The following AREG variants were observed in gnomAD, a reference collection of about 807,000 sequenced individuals.
AREG encodes the protein amphiregulin B.
A neutral mutation model predicts 28.0 loss-of-function variants in AREG; 16 were observed. The ratio of observed to expected loss-of-function variants is 0.57; its 90% CI spans 0.39 to 0.87. AREG has a LOEUF of 0.87. Among genes scored for constraint, AREG ranks in the 40% least tolerant of loss-of-function variants. The probability of loss-of-function intolerance (pLI) is 0.00; values close to 1 mark genes in which losing one functional copy is unlikely to be tolerated. For missense variants in AREG, 287 were observed against 309.1 expected (o/e 0.93, Z 0.53); for synonymous variants, 113 against 113.5 (o/e 1.00, Z 0.02).
chr4:74,450,273 A>C, intron 3 of AREG, 107 bp from the exon 4 acceptor site: 1 of 1,572,346 alleles, frequency 6.4e-7, no homozygotes, highest in Non-Finnish European at 8.7e-7. Flanking sequence ...TATATGGCAT[A>C]ACTTTTTTAA....
Position 74,445,143 on chromosome 4 carries a change from C to T in AREG, c.-203C>T. On this transcript the variant is annotated 5_prime_UTR_variant, in exon 1 of 6. Coordinates refer to ENST00000395748, the MANE Select transcript of AREG (RefSeq NM_001657.4). ...AGGTGCGCGCCGCCCTACAGACGTT[C>T]GCACACCTGGGTGCCAGCGCCCCAG... 8.4e-7 allele frequency: 1 copy of T among 1,191,478 alleles called. No homozygotes were observed. The highest frequency in any genetic ancestry group is 1.1e-6 in the Non-Finnish European group (1 of 875,786). The allele number at this position is 1,191,478 out of a possible 1,614,324, so 73.8% of individuals were successfully genotyped here.
intron 1 of AREG, among the ~76,000 whole-genome samples, chr4:74,445,644 G>GGA (rs1265547897): frequency 6.6e-6 from 1 of 152,152 alleles, no homozygotes; most frequent in Admixed American, 6.5e-5. Context: ...TGAGAAGACG[G>GGA]GAGAGATCAT....
chr4:74,447,717 C>T (rs910358847), intron 2 of AREG, among the ~76,000 whole-genome samples: 10 of 152,180 alleles, frequency 6.6e-5, no homozygotes, highest in African/African-American at 2.2e-4. Context: ...GCTTCTCCCC[C>T]TCTTGTCTGG....
At chr4:74,451,894 A>G (rs1719387386) in intron 4 of AREG, among the ~76,000 whole-genome samples, 1 of 152,142 alleles carries the variant, frequency 6.6e-6, no homozygotes, top group African/African-American at 2.4e-5. Context: ...CAAACACTAA[A>G]CCTAAGCAAA....
At chr4:74,447,857 G>A (rs1187651475) in intron 2 of AREG, among the ~76,000 whole-genome samples, 5 of 152,164 alleles carry the variant, frequency 3.3e-5, no homozygotes, top group Admixed American at 3.3e-4. Context: ...TTTTCTGTGA[G>A]GTGGGTAAGG....
intron 1 of AREG, among the ~76,000 whole-genome samples, chr4:74,445,842 G>A (rs1719273147): frequency 6.6e-6 from 1 of 152,108 alleles, no homozygotes; most frequent in African/African-American, 2.4e-5. Context: ...GAGGTTAAAA[G>A]CACCACTCTG....
intron 4 of AREG, among the ~76,000 whole-genome samples, chr4:74,451,166 C>T (rs1239016011): frequency 6.6e-6 from 1 of 152,196 alleles, no homozygotes; most frequent in Non-Finnish European, 1.5e-5. Flanking sequence ...TACTGTTTCA[C>T]TCCAGCGTAT....
intron 5 of AREG, among the ~76,000 whole-genome samples, chr4:74,453,057 G>T (rs1254545779): frequency 1.3e-5 from 2 of 152,226 alleles, no homozygotes; most frequent in African/African-American, 4.8e-5. Context: ...TGTGTTCGGG[G>T]TGGCCTTGGA....
intron 4 of AREG, among the ~76,000 whole-genome samples, 154 bp from the exon 5 acceptor site, chr4:74,452,390 A>G (rs1283209197): frequency 6.6e-6 from 1 of 152,214 alleles, no homozygotes; most frequent in African/African-American, 2.4e-5. Flanking sequence ...GAAATTGGTA[A>G]TATTTTATAG....
chr4:74,451,492 T>TG (rs1360912498), intron 4 of AREG, among the ~76,000 whole-genome samples: 2 of 152,234 alleles, frequency 1.3e-5, no homozygotes, highest in African/African-American at 2.4e-5. Context: ...TCTTCTGCCA[T>TG]TGTTGACAAT....
In AREG at chr4:74,449,072, A is replaced by G. The variant is rs1719338985; in HGVS notation, c.336A>G (p.Gln112=). 2.5e-6 allele frequency: 4 copies of G among 1,610,582 alleles called. No individual in the cohort carries two copies. The highest frequency in any genetic ancestry group is 2.7e-5 in the African/African-American group (2 of 73,848). ...TTGAACAGGTAGTTAAGCCCCCCCA[A>G]AACAAGACGGAAAGTGAAAATACTT... ...VRVEQVVKPP[Q]NKTESENTSD... Residue 112 remains glutamine (Q), a synonymous_variant, in exon 3 of 6, where the codon CAA becomes CAG. Coordinates refer to ENST00000395748, the MANE Select transcript of AREG (RefSeq NM_001657.4).
At chr4:74,449,304 C>T in intron 3 of AREG, 56 bp downstream of exon 3, 4 of 1,609,652 alleles carry the variant, frequency 2.5e-6, no homozygotes, top group Admixed American at 1.7e-5. Flanking sequence ...GTCTGAAACC[C>T]CTAACTGCAG....
chr4:74,452,195 G>T (rs904216360), intron 4 of AREG, among the ~76,000 whole-genome samples: 1 of 152,094 alleles, frequency 6.6e-6, no homozygotes, highest in East Asian at 1.9e-4. Flanking sequence ...TGCAAGTATA[G>T]AGTTCTCCTA....
rs1340895777 is a variant in AREG, at chr4:74,452,626, G to C, written c.748G>C (p.Ala250Pro). 6.2e-7 allele frequency: 1 copy of C among 1,613,308 alleles called. No individual in the cohort carries two copies. Among genetic ancestry groups the C allele is most frequent in the East Asian group, 2.2e-5 (1 of 44,782 alleles). Residue 250 changes from alanine (A) to proline (P), a missense_variant, in exon 5 of 6, where the codon GCT becomes CCT. Physicochemically the swap from Ala to Pro is conservative, Grantham distance 27 (BLOSUM62 -1). Transcript: ENST00000395748. ...KLRQENGNVH[A>P]IA ...TCGACAAGAGAATGGAAATGTACAT[G>C]CTATAGCATAACTGAAGATAAAATT...
intron 2 of AREG, chr4:74,448,496 A>G (rs1308548898): frequency 6.5e-5 from 10 of 152,960 alleles, no homozygotes; most frequent in African/African-American, 2.4e-4. Context: ...ATTCACTTGG[A>G]TAAACCTCTT....
intron 2 of AREG, among the ~76,000 whole-genome samples, chr4:74,448,372 T>G (rs945203336): frequency 6.6e-6 from 1 of 152,252 alleles, no homozygotes; most frequent in Admixed American, 6.5e-5. Flanking sequence ...AGATATTCTA[T>G]CTTTGATACC....
intron 3 of AREG, 126 bp downstream of exon 3, chr4:74,449,374 C>T: frequency 6.6e-7 from 1 of 1,505,696 alleles, no homozygotes; most frequent in Non-Finnish European, 9.0e-7. Flanking sequence ...GTTAAAGCAC[C>T]AGATAGTAAA....
At chr4:74,450,602 T>A (rs1026593323) in intron 4 of AREG, 70 bp downstream of exon 4, 93 of 1,570,662 alleles carry the variant, frequency 5.9e-5, no homozygotes, top group Non-Finnish European at 7.5e-5. Flanking sequence ...ATTTCTCTCA[T>A]ACTCTACTCT....
Position 74,445,220 on chromosome 4 carries a change from C to G in AREG, c.-126C>G. The G allele has an allele frequency of 6.6e-6, 10 of 1,522,842 alleles. No individual in the cohort carries two copies. Among genetic ancestry groups the G allele is most frequent in the African/African-American group, 1.4e-5 (1 of 72,512 alleles). The allele number at this position is 1,522,842 out of a possible 1,614,324, so 94.3% of individuals were successfully genotyped here. ...CGCCCGCCGCCCCGAGCTCCCCAAG[C>G]CTTCGAGAGCGGCGCACACTCCCGG... On this transcript the variant is annotated 5_prime_UTR_variant, in exon 1 of 6. Coordinates refer to ENST00000395748, the MANE Select transcript of AREG (RefSeq NM_001657.4).
Sources: allele counts gnomAD v4.1 joint callset (sites outside exome capture counted in the v4.1 genomes callset), GRCh38; gene constraint gnomAD v4.1.1; transcripts MANE v1.5; gene names NCBI Gene and HGNC (gene_info 2026-07-23, HGNC 2026-07-21).